TAF1: variants seen among roughly 807,000 people sequenced by gnomAD.
TAF1 encodes the protein TATA-box binding protein associated factor 1, also known as transcription initiation factor TFIID subunit 1.
A neutral mutation model predicts 138.5 loss-of-function variants in TAF1; 2 were observed. That is an observed-to-expected ratio of 0.01 (90% CI 0.01 to 0.05). TAF1 has a LOEUF of 0.05. Ranked by LOEUF, TAF1 falls within the 10% of genes least tolerant of loss-of-function variation. TAF1 has a pLI of 1.00. For synonymous variants in TAF1, 437 were observed against 503.2 expected, an observed-to-expected ratio of 0.87 and a Z score of 1.76; for missense variants, 709 against 1,478.0, an observed-to-expected ratio of 0.48 and a Z score of 8.53.
In TAF1 at chrX:71,407,653, A is replaced by T; in HGVS notation, c.4187A>T (p.Asp1396Val). 1 of 1,210,691 alleles carries T rather than the reference A, an allele frequency of 8.3e-7. No individual in the cohort carries two copies. Among genetic ancestry groups the T allele is most frequent in the Non-Finnish European group, 1.1e-6 (1 of 894,479 alleles). ...LSSILESIINDMRDLPNTYPF... is the reference protein window; with the variant it reads ...LSSILESIINVMRDLPNTYPF... ...TCCATCTTGGAGTCTATCATCAATG[A>T]CATGAGAGATCTTCCAAATGTGAGT... Residue 1396 changes from aspartate to valine, a missense_variant, in exon 27 of 38, where the codon GAC (aspartate) becomes GTC (valine). Transcript: ENST00000423759.
intron 32 of TAF1, among the ~76,000 whole-genome samples, chrX:71,443,258 G>T (rs1425727826): frequency 8.9e-6 from 1 of 111,883 alleles, no homozygotes; most frequent in Admixed American, 9.5e-5. Context: ...GGGCACTATG[G>T]CCATTTTCAC....
intron 13 of TAF1, among the ~76,000 whole-genome samples, chrX:71,483,478 T>C (rs551442733): frequency 9.5e-6 from 1 of 105,425 alleles, no homozygotes; most frequent in East Asian, 3.0e-4. Flanking sequence ...TCCCAGCTAC[T>C]CAGGAGGCGG....
In TAF1 at chrX:71,398,594, G is replaced by C; in HGVS notation, c.3643G>C (p.Glu1215Gln). 8.3e-7 allele frequency: 1 copy of C among 1,210,630 alleles called. No individual in the cohort carries two copies. ...CAGTCGAAAATTTGCCCTTTTTGAT[G>C]AACAACATCGGGAAGAGATGCGAAA... ...EFIRKFALFD[E>Q]QHREEMRKER... Residue 1215 changes from glutamate to glutamine, a missense_variant, in exon 24 of 38, where the codon GAA (glutamate) becomes CAA (glutamine). Physicochemically the swap from Glu to Gln is conservative, Grantham distance 29. Transcript: ENST00000423759.
chrX:71,480,167 G>A (rs1438420738), intron 13 of TAF1, among the ~76,000 whole-genome samples: 1 of 111,777 alleles, frequency 8.9e-6, no homozygotes, highest in Non-Finnish European at 1.9e-5. Flanking sequence ...TGAGGCTGCA[G>A]TGAACCATGA....
intron 3 of TAF1, among the ~76,000 whole-genome samples, chrX:71,369,798 A>G (rs757363078): frequency 1.9e-5 from 2 of 105,127 alleles, no homozygotes; most frequent in East Asian, 6.1e-4. Context: ...TATTTTTAGT[A>G]GAGATGGGGT....
intron 13 of TAF1, among the ~76,000 whole-genome samples, chrX:71,481,724 A>AT (rs2039076243): frequency 9.1e-6 from 1 of 110,455 alleles, no homozygotes; most frequent in African/African-American, 3.3e-5. Flanking sequence ...TGCCCGGCTA[A>AT]TTTTTTGTAT....
chrX:71,427,015 A>G (rs952852946), intron 32 of TAF1, among the ~76,000 whole-genome samples: 5 of 112,203 alleles, frequency 4.5e-5, no homozygotes, highest in African/African-American at 1.6e-4. Context: ...AATTTTTAGC[A>G]GTAAGTAGTA....
intron 28 of TAF1, among the ~76,000 whole-genome samples, chrX:71,412,853 CG>C (rs1308258769): frequency 1.8e-5 from 2 of 111,830 alleles, no homozygotes; most frequent in Non-Finnish European, 3.8e-5. Context: ...CCCAAAGTTC[CG>C]CGATTACAGG....
At chrX:71,446,852 A>C (rs1602703020) in intron 32 of TAF1, among the ~76,000 whole-genome samples, 1 of 111,967 alleles carries the variant, frequency 8.9e-6, no homozygotes, top group East Asian at 2.8e-4. Flanking sequence ...CTCTGGTTTA[A>C]GAGACTGAAC....
At chrX:71,402,001 A>G (rs28382184) in intron 25 of TAF1, among the ~76,000 whole-genome samples, 1,548 of 112,372 alleles carry the variant, frequency 0.014, 70 homozygotes, top group East Asian at 0.098. Context: ...CAGGATAGTT[A>G]AGAAGATAAA....
At chrX:71,419,213 ATTCTTT>A (rs1329268850) in intron 28 of TAF1, among the ~76,000 whole-genome samples, 2 of 111,365 alleles carry the variant, frequency 1.8e-5, no homozygotes, top group East Asian at 2.8e-4. Context: ...CTATTTAGGC[ATTCTTT>A]TTCTTTTTAT....
chrX:71,529,807 G>A (rs2040070155), exon 15 of TAF1: 5 of 323,597 alleles, frequency 1.5e-5, no homozygotes, highest in South Asian at 8.1e-5. Flanking sequence ...GTTTTGATAC[G>A]TGTCTCCTTA....
chrX:71,376,907 G>A, intron 4 of TAF1, 43 bp from the exon 5 acceptor site: 1 of 1,201,932 alleles, frequency 8.3e-7, no homozygotes, highest in Non-Finnish European at 1.1e-6. Context: ...GAGGAAATAT[G>A]TTCACAGTTA....
At chrX:71,471,674 A>G (rs2038893016) in intron 13 of TAF1, among the ~76,000 whole-genome samples, 2 of 110,840 alleles carry the variant, frequency 1.8e-5, no homozygotes, top group African/African-American at 6.6e-5. Flanking sequence ...AAGCAACAGC[A>G]CAGCAGAGAT....
chrX:71,407,722 T>C, intron 27 of TAF1, 50 bp downstream of exon 27: 1 of 1,141,621 alleles, frequency 8.8e-7, no homozygotes, highest in Non-Finnish European at 1.2e-6. Flanking sequence ...AGGCCTTTTG[T>C]TCTGTCTGTG....
rs368036168 is a variant in TAF1 at position 71,424,571 on chromosome X, A to G, written c.4753+333A>G. Reference sequence around the variant, plus strand: ...CAGTATTATTAAAATTTATGTGCGTAAAGCAACCTTGAGCAGTGATAGCAG... The same window carrying G: ...CAGTATTATTAAAATTTATGTGCGTGAAGCAACCTTGAGCAGTGATAGCAG... On this transcript the variant is annotated intron_variant, in intron 32 of 37. Coordinates refer to ENST00000423759, the MANE Select transcript of TAF1 (RefSeq NM_004606.5). Among the ~76,000 whole-genome samples the G allele has an allele frequency of 5.4e-5, 6 of 110,352 alleles. No homozygotes were observed. The East Asian group carries it at 1.4e-3, about 26-fold the overall frequency.
intron 4 of TAF1, among the ~76,000 whole-genome samples, chrX:71,376,494 C>T (rs747442073): frequency 6.4e-5 from 7 of 109,674 alleles, no homozygotes; most frequent in South Asian, 3.9e-4. Context: ...GGTGAAACCC[C>T]GTCTCTACTA....
intron 35 of TAF1, 76 bp downstream of exon 35, chrX:71,458,442 G>A (rs2038402091): frequency 8.9e-7 from 1 of 1,120,566 alleles, no homozygotes; most frequent in South Asian, 2.1e-5. Flanking sequence ...GATGGTGATG[G>A]TGATATGTGA....
At chrX:71,412,486 C>CA in intron 28 of TAF1, among the ~76,000 whole-genome samples, 1 of 111,752 alleles carries the variant, frequency 8.9e-6, no homozygotes, top group Middle Eastern at 4.6e-3. Flanking sequence ...TTTTGTCTGT[C>CA]AATTGATGGA....
Sources: allele counts gnomAD v4.1 joint callset (sites outside exome capture counted in the v4.1 genomes callset), GRCh38; gene constraint gnomAD v4.1.1; transcripts MANE v1.5; gene names NCBI Gene and HGNC (gene_info 2026-07-23, HGNC 2026-07-21).